PRPF31: variants seen among roughly 807,000 people sequenced by gnomAD.
The protein encoded by PRPF31 is U4/U6 small nuclear ribonucleoprotein Prp31.
A neutral mutation model predicts 60.4 loss-of-function variants in PRPF31; 12 were observed. That is an observed-to-expected ratio of 0.20 (90% CI 0.13 to 0.32). The LOEUF (loss-of-function observed/expected upper bound fraction) is 0.32. Ranked by LOEUF, PRPF31 falls within the 10% of genes least tolerant of loss-of-function variation. The probability of loss-of-function intolerance (pLI) is 1.00; values close to 1 mark genes in which losing one functional copy is unlikely to be tolerated. For synonymous variants in PRPF31, 287 were observed against 287.9 expected (o/e 1.00, Z 0.03); for missense variants, 431 against 687.1 (o/e 0.63, Z 4.17).
chr19:54,123,947 C>CG (rs1192851010), intron 7 of PRPF31, 29 bp downstream of exon 7: 3 of 1,611,732 alleles, frequency 1.9e-6, no homozygotes, highest in African/African-American at 2.7e-5. Context: ...TCCCATGGAG[C>CG]GGGGGTCTGC....
rs1263759990 is a variant in PRPF31, at chr19:54,130,582, G to A, written c.1375-725G>A. 6.0e-5 allele frequency among the ~76,000 whole-genome samples: 9 copies of A among 150,748 alleles called. No homozygotes were observed. In the South Asian group the frequency reaches 8.4e-4, roughly 14 times the overall value. ...GGAGCTTGCAGTGAGCCGAGATCGC[G>A]CCACTGCACTTCAGCCTGGGCGACA... On this transcript the variant is annotated intron_variant, in intron 13 of 13. Coordinates refer to ENST00000321030, the MANE Select transcript of PRPF31 (RefSeq NM_015629.4).
At chr19:54,120,923 T>G (rs1460906625) in intron 3 of PRPF31, among the ~76,000 whole-genome samples, 1 of 152,058 alleles carries the variant, frequency 6.6e-6, no homozygotes, top group African/African-American at 2.4e-5. Flanking sequence ...CTCTTATTAC[T>G]AAAGCACAAA....
chr19:54,123,064 G>A (rs1366987921), intron 5 of PRPF31: 4 of 457,372 alleles, frequency 8.7e-6, no homozygotes, highest in Non-Finnish European at 1.6e-5. Context: ...AGGTGTGCGT[G>A]AGGGCGGGGA....
At chr19:54,124,788 G>A (rs2073880419) in intron 8 of PRPF31, 132 bp downstream of exon 8, 1 of 1,115,148 alleles carries the variant, frequency 9.0e-7, no homozygotes, top group East Asian at 2.5e-5. Context: ...AGGGTGGCAT[G>A]GGACGTGAGA....
At chr19:54,119,120 C>T (rs1259388878) in intron 3 of PRPF31, among the ~76,000 whole-genome samples, 16 of 152,268 alleles carry the variant, frequency 1.1e-4, no homozygotes, top group African/African-American at 2.2e-4. Context: ...CCGTGGCTCA[C>T]GCCTGTAATC....
rs1388406026 is a variant in PRPF31 at position 54,123,381 on chromosome 19, G to A, written c.421-73G>A. 3 of 1,111,452 alleles carry A rather than the reference G, an allele frequency of 2.7e-6. No individual in the cohort carries two copies. In the African/African-American group the frequency reaches 4.6e-5, roughly 17 times the overall value. The allele number at this position is 1,111,452 out of a possible 1,614,324, so 68.8% of individuals were successfully genotyped here. A position where few individuals can be genotyped will look rare whatever the true frequency, so the allele number is the denominator to read the frequency against. On this transcript the variant is annotated intron_variant, in intron 5 of 13. Coordinates refer to ENST00000321030, the MANE Select transcript of PRPF31 (RefSeq NM_015629.4). ...GTGTCCCTAAGAAGAGACCTGAGGAGGTGCTGAGCAAGAGAGGTTCTCGAG... is the reference window on the plus strand; with the variant it reads ...GTGTCCCTAAGAAGAGACCTGAGGAAGTGCTGAGCAAGAGAGGTTCTCGAG...
chr19:54,118,109 G>A lies in PRPF31; in HGVS notation c.-8-162G>A, dbSNP rs370135115. ...TTGCACAGGTCGGAGCTGGAGACTCGCCAGTGAACAAAACAAACTAAAGCA... is the reference window on the plus strand; with the variant it reads ...TTGCACAGGTCGGAGCTGGAGACTCACCAGTGAACAAAACAAACTAAAGCA... On this transcript the variant is annotated intron_variant, in intron 1 of 13. Coordinates refer to ENST00000321030, the MANE Select transcript of PRPF31 (RefSeq NM_015629.4). 397 of 987,670 alleles carry A rather than the reference G, an allele frequency of 4.0e-4. 1 individual carries two copies. Among genetic ancestry groups the A allele is most frequent in the Non-Finnish European group, 5.4e-4 (338 of 631,398 alleles). 61.2% of individuals were successfully genotyped at this position (987,670 alleles called of 1,614,324 possible).
chr19:54,121,498 G>A (rs1051985455), intron 3 of PRPF31, among the ~76,000 whole-genome samples: 11 of 152,100 alleles, frequency 7.2e-5, no homozygotes, highest in Non-Finnish European at 1.5e-4. Flanking sequence ...CTGGGTACTC[G>A]GCTGTGGGTA....
chr19:54,124,044 A>T, intron 7 of PRPF31, 126 bp downstream of exon 7: 1 of 1,513,680 alleles, frequency 6.6e-7, no homozygotes, highest in African/African-American at 1.4e-5. Context: ...CTCCCTGGAC[A>T]TCACAGAGGT....
chr19:54,119,210 G>A (rs12977139), intron 3 of PRPF31, among the ~76,000 whole-genome samples: 65,087 of 151,496 alleles, frequency 0.43, 14,276 homozygotes, highest in Non-Finnish European at 0.49. Context: ...GTGACACCCC[G>A]TCTCTACTAA....
intron 7 of PRPF31, 128 bp downstream of exon 7, chr19:54,124,046 C>A: frequency 6.6e-7 from 1 of 1,507,562 alleles, no homozygotes; most frequent in South Asian, 1.3e-5. Flanking sequence ...CCCTGGACAT[C>A]ACAGAGGTCA....
intron 1 of PRPF31, 30 bp from the exon 2 acceptor site, chr19:54,118,241 T>C (rs1474036738): frequency 1.2e-6 from 2 of 1,611,880 alleles, no homozygotes; most frequent in Non-Finnish European, 1.7e-6. Context: ...TCGGGGCAAG[T>C]TTTTAGGGAA....
At chr19:54,126,725 C>A in intron 9 of PRPF31, 108 bp downstream of exon 9, 2 of 1,146,790 alleles carry the variant, frequency 1.7e-6, no homozygotes, top group South Asian at 1.3e-5. Flanking sequence ...CACTGTCCTA[C>A]CAAGGCGGAG....
At chr19:54,115,878 T>A (rs1236453268) in intron 1 of PRPF31, 81 bp downstream of exon 1, 2 of 190,966 alleles carry the variant, frequency 1.0e-5, no homozygotes, top group Non-Finnish European at 2.2e-5. Flanking sequence ...AAAAGGCGGG[T>A]CTTTACAGCT....
Position 54,121,904 on chromosome 19 carries a change from G to C in PRPF31, c.283G>C (p.Asp95His). 6.2e-7 allele frequency: 1 copy of C among 1,613,050 alleles called. No homozygotes were observed. The change falls in exon 4 of 14, where the codon GAT becomes CAT. Residue 95 changes from aspartate to histidine, a missense_variant. This residue lies in a region of PRPF31 where 113 missense variants were observed against 173.8 expected (regional missense o/e 0.65). Transcript: ENST00000321030. ...EAAPEYRVIV[D>H]ANNLTVEIEN... ...CGCGCCTGAATACCGCGTCATCGTG[G>C]ATGCCAACAACCTGACCGTGGAGAT...
At chr19:54,131,273 C>T (rs749574556) in intron 13 of PRPF31, 34 bp from the exon 14 acceptor site, 37 of 1,612,978 alleles carry the variant, frequency 2.3e-5, no homozygotes, top group Non-Finnish European at 3.1e-5. Flanking sequence ...TTCTCCTCAC[C>T]TAACCCATCA....
chr19:54,116,484 G>T (rs943487664), intron 1 of PRPF31, among the ~76,000 whole-genome samples: 15 of 152,208 alleles, frequency 9.9e-5, no homozygotes. Flanking sequence ...GGGATTACAG[G>T]CATGAGCCAC....
chr19:54,118,148 A>C, intron 1 of PRPF31, 123 bp from the exon 2 acceptor site: 2 of 1,360,216 alleles, frequency 1.5e-6, no homozygotes, highest in South Asian at 2.3e-5. Context: ...GTTGTCGTGG[A>C]GCCTGCATGC....
chr19:54,127,113 C>T (rs1192678039), intron 9 of PRPF31, among the ~76,000 whole-genome samples: 1 of 152,228 alleles, frequency 6.6e-6, no homozygotes, highest in African/African-American at 2.4e-5. Context: ...TAGCGAGACT[C>T]CATCTAAAAA....
Sources: gnomAD v4.1 joint callset for allele counts (sites outside exome capture counted in the v4.1 genomes callset) on GRCh38, gnomAD v4.1.1 for gene constraint, gnomAD v4.1.1 regional missense constraint, MANE v1.5 for transcripts, NCBI Gene and HGNC (gene_info 2026-07-23, HGNC 2026-07-21) for gene names.